Variants in GLUD1 observed in about 807,000 individuals in gnomAD.
GLUD1 encodes glutamate dehydrogenase 1, mitochondrial.
In GLUD1, 22 loss-of-function variants were observed where a neutral mutation model predicts 56.0. The ratio of observed to expected loss-of-function variants is 0.39; its 90% CI spans 0.28 to 0.56. The LOEUF is 0.56. Ranked by LOEUF, GLUD1 falls within the 20% of genes least tolerant of loss-of-function variation. The pLI, the probability that GLUD1 is intolerant of heterozygous loss-of-function variation, is 0.58. For missense variants in GLUD1, 451 were observed against 732.0 expected (o/e 0.62, Z 4.43); for synonymous variants, 223 against 269.9 (o/e 0.83, Z 1.70).
At chr10:87,061,678 A>G (rs1170283096) in intron 6 of GLUD1, among the ~76,000 whole-genome samples, 8 of 150,878 alleles carry the variant, frequency 5.3e-5, no homozygotes, top group African/African-American at 1.7e-4. Flanking sequence ...GTGCAATGGC[A>G]CAATCTTGGC....
At chr10:87,069,729 T>C (rs1489292333) in intron 4 of GLUD1, among the ~76,000 whole-genome samples, 5 of 152,188 alleles carry the variant, frequency 3.3e-5, no homozygotes, top group African/African-American at 1.2e-4. Context: ...AGGGCTAGTA[T>C]AAGATAACTT....
At chr10:87,081,946 CAAAAAAA>C (rs71019464) in intron 1 of GLUD1, among the ~76,000 whole-genome samples, 7 of 85,668 alleles carry the variant, frequency 8.2e-5, no homozygotes, top group Admixed American at 2.5e-4. Context: ...ATGATCAATA[CAAAAAAA>C]AAAAAAAAAA....
intron 1 of GLUD1, among the ~76,000 whole-genome samples, chr10:87,092,422 T>C (rs563452849): frequency 6.6e-6 from 1 of 152,368 alleles, no homozygotes; most frequent in Admixed American, 6.5e-5. Flanking sequence ...AATAGCATGT[T>C]TTTTTGTAAA....
chr10:87,081,350 C>A (rs1237553731), intron 1 of GLUD1, among the ~76,000 whole-genome samples: 1 of 150,550 alleles, frequency 6.6e-6, no homozygotes, highest in African/African-American at 2.4e-5. Flanking sequence ...ACCCAGCCAG[C>A]CGCCCTGTCC....
chr10:87,054,445 G>A (rs1408849211), intron 11 of GLUD1, among the ~76,000 whole-genome samples: 1 of 152,286 alleles, frequency 6.6e-6, no homozygotes, highest in East Asian at 1.9e-4. Context: ...GAGAAAACCA[G>A]GAGAATGTGG....
chr10:87,057,774 G>T lies in GLUD1; in HGVS notation c.1411C>A (p.Gln471Lys). ...DSNYHLLMSV[Q>K]ESLERKFGKH... Reference sequence around the variant, plus strand: ...CCAAATTTTCTTTCTAAACTCTCTTGAACAGACACTACAAAAAAATAACAA... The same window carrying T: ...CCAAATTTTCTTTCTAAACTCTCTTTAACAGACACTACAAAAAAATAACAA... The change falls in exon 11 of 13, where the codon CAA becomes AAA. Residue 471 changes from glutamine (Q) to lysine (K), a missense_variant. Coordinates refer to ENST00000277865, the MANE Select transcript of GLUD1 (RefSeq NM_005271.5). 1 of 1,470,088 alleles carries T rather than the reference G, an allele frequency of 6.8e-7. No individual in the cohort carries two copies. Among genetic ancestry groups the T allele is most frequent in the Non-Finnish European group, 9.5e-7 (1 of 1,055,128 alleles). 91.1% of individuals were successfully genotyped at this position (1,470,088 alleles called of 1,614,324 possible). A position where few individuals can be genotyped will look rare whatever the true frequency, so the allele number is the denominator to read the frequency against.
At chr10:87,071,000 G>A (rs1846222524) in intron 4 of GLUD1, among the ~76,000 whole-genome samples, 1 of 151,076 alleles carries the variant, frequency 6.6e-6, no homozygotes, top group Non-Finnish European at 1.5e-5. Context: ...GTGGTGGCGG[G>A]CGCCTGTAGT....
intron 6 of GLUD1, 73 bp from the exon 7 acceptor site, chr10:87,061,125 A>G (rs1845918696): frequency 3.8e-6 from 5 of 1,315,710 alleles, no homozygotes; most frequent in Middle Eastern, 1.8e-4. Context: ...ATTTTGACCA[A>G]TGTAAATCCA....
chr10:87,054,514 ACTG>A (rs1845716179), intron 11 of GLUD1, among the ~76,000 whole-genome samples: 1 of 152,166 alleles, frequency 6.6e-6, no homozygotes, highest in Non-Finnish European at 1.5e-5. Context: ...TGTAACAAGA[ACTG>A]CTGATAGGTC....
intron 1 of GLUD1, chr10:87,089,850 AT>A: frequency 3.2e-6 from 1 of 310,766 alleles, no homozygotes; most frequent in Non-Finnish European, 4.7e-6. Context: ...GCGGCATTAG[AT>A]TTAAGACTGT....
At chr10:87,071,499 T>A (rs1346292488) in intron 4 of GLUD1, among the ~76,000 whole-genome samples, 2 of 152,164 alleles carry the variant, frequency 1.3e-5, no homozygotes, top group East Asian at 3.9e-4. Context: ...ACAGATAAAT[T>A]CTTATATAGA....
intron 1 of GLUD1, among the ~76,000 whole-genome samples, chr10:87,088,926 A>G (rs895911396): frequency 3.3e-5 from 5 of 152,224 alleles, no homozygotes; most frequent in African/African-American, 4.8e-5. Context: ...CTTAAACACC[A>G]AAGTCTTCAA....
chr10:87,064,310 TCC>T (rs982622389), intron 5 of GLUD1, among the ~76,000 whole-genome samples: 1 of 152,148 alleles, frequency 6.6e-6, no homozygotes, highest in Non-Finnish European at 1.5e-5. Context: ...GGGCTTCCCT[TCC>T]AAGACATCAA....
At chr10:87,070,524 G>A (rs1400881357) in intron 4 of GLUD1, among the ~76,000 whole-genome samples, 1 of 152,122 alleles carries the variant, frequency 6.6e-6, no homozygotes, top group Non-Finnish European at 1.5e-5. Flanking sequence ...GCTTGAACCA[G>A]GGAGGCAGAC....
intron 6 of GLUD1, among the ~76,000 whole-genome samples, chr10:87,061,446 A>G (rs993628182): frequency 2.0e-5 from 3 of 152,138 alleles, no homozygotes; most frequent in African/African-American, 7.2e-5. Context: ...TGAACCTGGG[A>G]GGTGGAGGTT....
intron 4 of GLUD1, among the ~76,000 whole-genome samples, chr10:87,073,226 A>G (rs897438153): frequency 1.3e-5 from 2 of 152,194 alleles, no homozygotes; most frequent in African/African-American, 4.8e-5. Context: ...GCAGTGGCAC[A>G]ATCATAGCTC....
chr10:87,061,078 CA>C (rs1845918108), intron 6 of GLUD1, 26 bp from the exon 7 acceptor site: 1 of 1,608,212 alleles, frequency 6.2e-7, no homozygotes, highest in East Asian at 2.2e-5. Context: ...ACCCATAACA[CA>C]AAAATTAAAG....
chr10:87,082,762 C>T (rs140837307), intron 1 of GLUD1, among the ~76,000 whole-genome samples: 2 of 152,196 alleles, frequency 1.3e-5, no homozygotes, highest in African/African-American at 4.8e-5. Context: ...TTTTAAAGTG[C>T]ACCCATTAAT....
At chr10:87,052,132 T>G (rs1047396952) in intron 12 of GLUD1, among the ~76,000 whole-genome samples, 7 of 152,144 alleles carry the variant, frequency 4.6e-5, no homozygotes, top group African/African-American at 1.7e-4. Flanking sequence ...GGCAGATCAC[T>G]TGAGCTCAGG....
Sources: gnomAD v4.1 joint callset for allele counts (sites outside exome capture counted in the v4.1 genomes callset) on GRCh38, gnomAD v4.1.1 for gene constraint, MANE v1.5 for transcripts, NCBI Gene and HGNC (gene_info 2026-07-23, HGNC 2026-07-21) for gene names.